Variants in ZCCHC2 observed in about 807,000 individuals in gnomAD.
ZCCHC2 encodes zinc finger CCHC-type containing 2.
Under a neutral mutation model 103.6 loss-of-function variants are expected in ZCCHC2, and 39 were observed. That is an observed-to-expected ratio of 0.38 (90% CI 0.29 to 0.49). The LOEUF is 0.49. Ranked by LOEUF, ZCCHC2 falls within the 20% of genes least tolerant of loss-of-function variation. The pLI is 0.96. For missense variants in ZCCHC2, 1,483 were observed against 1,491.0 expected, an observed-to-expected ratio of 0.99 and a Z score of 0.09; for synonymous variants, 687 against 608.9, an observed-to-expected ratio of 1.13 and a Z score of -1.89.
chr18:62,563,090 G>A lies in ZCCHC2; in HGVS notation c.1632G>A (p.Lys544=). 2.5e-6 allele frequency: 4 copies of A among 1,613,934 alleles called. No individual in the cohort carries two copies. The highest frequency in any genetic ancestry group is 1.6e-4 in the Middle Eastern group (1 of 6,062). The change falls in exon 9 of 14, where the codon AAG becomes AAA. Residue 544 remains lysine, a synonymous_variant. Transcript: ENST00000269499. The part of the protein sequence containing the change: ...SEQNGIVDWR[K]QSCTTIQHPE... Reference sequence around the variant, plus strand: ...AGAATGGAATTGTGGATTGGAGGAAGCAAAGCTGTACCACCATTCAACACC... The same window carrying A: ...AGAATGGAATTGTGGATTGGAGGAAACAAAGCTGTACCACCATTCAACACC...
Position 62,523,454 on chromosome 18 carries a change from A to G in ZCCHC2, c.30A>G (p.Pro10=). The change falls in exon 1 of 14, where the codon CCA becomes CCG. Residue 10 remains proline (P), a synonymous_variant. Coordinates refer to ENST00000269499, the MANE Select transcript of ZCCHC2 (RefSeq NM_017742.6). ...TGAGGATGAAGCTGCCGCTGAAGCCAACGCACCCCGCGGAGCCGCCGCCCG... is the reference window on the plus strand; with the variant it reads ...TGAGGATGAAGCTGCCGCTGAAGCCGACGCACCCCGCGGAGCCGCCGCCCG... The part of the protein sequence containing the change: MLRMKLPLK[P]THPAEPPPEA... The G allele has an allele frequency of 9.2e-7, 1 of 1,089,178 alleles. No homozygotes were observed. Among genetic ancestry groups the G allele is most frequent in the Non-Finnish European group, 1.1e-6 (1 of 887,228 alleles). The allele number at this position is 1,089,178 out of a possible 1,614,324, so 67.5% of individuals were successfully genotyped here.
chr18:62,585,933 T>G (rs1273984962), exon 15 of ZCCHC2: 7 of 152,182 alleles, frequency 4.6e-5, no homozygotes, highest in Admixed American at 4.6e-4. Flanking sequence ...TGGGTGACGG[T>G]GAGCCCAGGC....
At chr18:62,575,595 T>A in intron 13 of ZCCHC2, 45 bp downstream of exon 13, 1 of 1,572,228 alleles carries the variant, frequency 6.4e-7, no homozygotes, top group Non-Finnish European at 8.7e-7. Context: ...AGTTCACTCA[T>A]TTCTCCTTCC....
Position 62,524,372 on chromosome 18 carries a change from C to T in ZCCHC2, c.939+9C>T, listed in dbSNP as rs1914247396. ...CCGGCCCCAGGGCCCAGGTAAGGCG[C>T]ACGGAGCCTCCCTGGACTCGCGGTG... On this transcript the variant is annotated intron_variant, in intron 1 of 13. Coordinates refer to ENST00000269499, the MANE Select transcript of ZCCHC2 (RefSeq NM_017742.6). 1 of 1,498,136 alleles carries T rather than the reference C, an allele frequency of 6.7e-7. No homozygotes were observed. Among genetic ancestry groups the T allele is most frequent in the Admixed American group, 2.2e-5 (1 of 44,882 alleles). 92.8% of individuals were successfully genotyped at this position (1,498,136 alleles called of 1,614,324 possible). A position where few individuals can be genotyped will look rare whatever the true frequency, so the allele number is the denominator to read the frequency against.
Position 62,567,944 on chromosome 18 carries a change from C to CAAA in ZCCHC2, c.1847-2146_1847-2144dup, listed in dbSNP as rs71888422. 3.9e-4 allele frequency among the ~76,000 whole-genome samples: 32 copies of CAAA among 81,416 alleles called. 1 individual carries two copies. The highest frequency in any genetic ancestry group is 1.3e-3 in the Admixed American group (10 of 7,524). The allele number at this position is 81,416 out of a possible 152,430, so 53.4% of individuals were successfully genotyped here. On this transcript the variant is annotated intron_variant, in intron 11 of 13. Coordinates refer to ENST00000269499, the MANE Select transcript of ZCCHC2 (RefSeq NM_017742.6). ...GGGGCGACAGAATGAGACTCTGTCT[C>CAAA]AAAAAAAAAAAAAAAGAATGCTCAT... is the stretch of plus-strand genomic sequence containing the variant.
At chr18:62,581,978 AG>A (rs1170469368), downstream of ZCCHC2, 39 of 156,302 alleles carry the variant, frequency 2.5e-4, no homozygotes, top group South Asian at 7.1e-4. Flanking sequence ...AAGGGGACGC[AG>A]GCTGGGCAGG....
chr18:62,523,550 C>CA lies in ZCCHC2; in HGVS notation c.126_127insA (p.Pro43ThrfsTer278), dbSNP rs1243523406. ...CTTCGCGCCGCCGCCGCGACTGCCGCCCCCCGCCGCCGCCGCCGCCGCCCG... is the reference window on the plus strand; with the variant it reads ...CTTCGCGCCGCCGCCGCGACTGCCGCACCCCCGCCGCCGCCGCCGCCGCCCG... On this transcript the variant is annotated frameshift_variant, in exon 1 of 14. Transcript: ENST00000269499. LOFTEE classifies it high-confidence loss of function. The CA allele has an allele frequency of 1.1e-6, 1 of 892,756 alleles. No individual in the cohort carries two copies. The highest frequency in any genetic ancestry group is 1.3e-6 in the Non-Finnish European group (1 of 778,214). 55.3% of individuals were successfully genotyped at this position (892,756 alleles called of 1,614,324 possible).
intron 1 of ZCCHC2, among the ~76,000 whole-genome samples, chr18:62,539,322 G>T (rs1286054195): frequency 6.6e-6 from 1 of 152,140 alleles, no homozygotes; most frequent in Admixed American, 6.5e-5. Context: ...GAATAAAAAT[G>T]GTGTAGTGAT....
rs961560752 is a variant in ZCCHC2 at position 62,523,562 on chromosome 18, G to GCCA, written c.140_141insACC (p.Pro50dup). 2 of 954,788 alleles carry GCCA rather than the reference G, an allele frequency of 2.1e-6. No homozygotes were observed. Among genetic ancestry groups the GCCA allele is most frequent in the African/African-American group, 1.8e-5 (1 of 54,992 alleles). The allele number at this position is 954,788 out of a possible 1,614,324, so 59.1% of individuals were successfully genotyped here. On this transcript the variant is annotated inframe_insertion, in exon 1 of 14. Coordinates refer to ENST00000269499, the MANE Select transcript of ZCCHC2 (RefSeq NM_017742.6). ...GCCGCGACTGCCGCCCCCCGCCGCCGCCGCCGCCGCCCGCGGGCCCGTCGC... is the reference window on the plus strand; with the variant it reads ...GCCGCGACTGCCGCCCCCCGCCGCCGCCACCGCCGCCGCCCGCGGGCCCGTCGC...
At chr18:62,570,777 G>GT (rs1394807402) in intron 12 of ZCCHC2, among the ~76,000 whole-genome samples, 2 of 152,024 alleles carry the variant, frequency 1.3e-5, no homozygotes, top group African/African-American at 4.8e-5. Context: ...TTAGATTATG[G>GT]TTTTTTATTC....
At chr18:62,572,645 G>A (rs890715987) in intron 12 of ZCCHC2, among the ~76,000 whole-genome samples, 7 of 152,098 alleles carry the variant, frequency 4.6e-5, no homozygotes, top group Non-Finnish European at 8.8e-5. Context: ...TACACTTACC[G>A]AAATCAGTGC....
At chr18:62,542,917 C>T (rs765361797) in intron 3 of ZCCHC2, among the ~76,000 whole-genome samples, 1 of 152,130 alleles carries the variant, frequency 6.6e-6, no homozygotes, top group Non-Finnish European at 1.5e-5. Flanking sequence ...TTTTCCTCCT[C>T]CTCTTTGTTC....
chr18:62,540,546 C>T (rs1235168622), intron 2 of ZCCHC2, among the ~76,000 whole-genome samples: 2 of 151,290 alleles, frequency 1.3e-5, no homozygotes, highest in Non-Finnish European at 2.9e-5. Context: ...ATATAATGAC[C>T]ACTTCTATTC....
At chr18:62,530,549 T>C (rs1475758584) in intron 1 of ZCCHC2, among the ~76,000 whole-genome samples, 4 of 152,170 alleles carry the variant, frequency 2.6e-5, no homozygotes, top group African/African-American at 7.2e-5. Flanking sequence ...ATCCTTATAG[T>C]GGAGTATTTT....
intron 13 of ZCCHC2, among the ~76,000 whole-genome samples, chr18:62,576,095 A>AT (rs1916831991): frequency 6.6e-6 from 1 of 151,764 alleles, no homozygotes; most frequent in Non-Finnish European, 1.5e-5. Flanking sequence ...TACTATTTTG[A>AT]TTTGAGAGTA....
At chr18:62,532,132 C>T (rs893063168) in intron 1 of ZCCHC2, among the ~76,000 whole-genome samples, 7 of 152,228 alleles carry the variant, frequency 4.6e-5, no homozygotes, top group Non-Finnish European at 7.3e-5. Context: ...TGCGCGCGCG[C>T]GCACGTGCGC....
rs1915998161 is a variant in ZCCHC2, at chr18:62,558,827, AC to A, written c.1492+58del. The A allele has an allele frequency of 1.5e-5, 17 of 1,172,014 alleles. 1 individual carries two copies. The South Asian group carries it at 2.6e-4, about 18-fold the overall frequency. 72.6% of individuals were successfully genotyped at this position (1,172,014 alleles called of 1,614,324 possible). ...TGCCTGCTGATAGCACATGGATAGA[AC>A]ATTTAAGGAGTGAAGAAACTGACAT... On this transcript the variant is annotated intron_variant, in intron 7 of 13. Coordinates refer to ENST00000269499, the MANE Select transcript of ZCCHC2 (RefSeq NM_017742.6).
At chr18:62,534,986 A>G (rs1914859684) in intron 1 of ZCCHC2, among the ~76,000 whole-genome samples, 1 of 152,210 alleles carries the variant, frequency 6.6e-6, no homozygotes, top group Non-Finnish European at 1.5e-5. Context: ...GGTTCCAAGA[A>G]TGTTTTTGCA....
intron 5 of ZCCHC2, among the ~76,000 whole-genome samples, chr18:62,554,912 T>C (rs145368768): frequency 6.6e-6 from 1 of 152,356 alleles, no homozygotes; most frequent in East Asian, 1.9e-4. Flanking sequence ...AAGGCAACTT[T>C]GGCCCATAAA....
Sources: gnomAD v4.1 joint callset for allele counts (sites outside exome capture counted in the v4.1 genomes callset) on GRCh38, gnomAD v4.1.1 for gene constraint, MANE v1.5 for transcripts, NCBI Gene and HGNC (gene_info 2026-07-23, HGNC 2026-07-21) for gene names.